The following WWOX variants were observed in gnomAD, a reference collection of about 807,000 sequenced individuals.
The protein encoded by WWOX is WW domain containing oxidoreductase.
Under a neutral mutation model 46.2 loss-of-function variants are expected in WWOX, and 69 were observed. That is an observed-to-expected ratio of 1.49 (90% CI 1.23 to 1.82). The LOEUF (loss-of-function observed/expected upper bound fraction) is 1.82, where lower values mean the gene tolerates loss of function less well. WWOX is among the 40% of genes most tolerant of loss of function. The pLI is 0.00. For missense variants in WWOX, 919 were observed against 542.6 expected, an observed-to-expected ratio of 1.69 and a Z score of -6.89; for synonymous variants, 359 against 202.6, an observed-to-expected ratio of 1.77 and a Z score of -6.56.
chr16:78,433,284 C>G (rs1174534796), intron 8 of WWOX, among the ~76,000 whole-genome samples: 2 of 151,956 alleles, frequency 1.3e-5, no homozygotes, highest in African/African-American at 2.4e-5. Flanking sequence ...CTTTACTTTC[C>G]CAAAGACAAT....
intron 8 of WWOX, among the ~76,000 whole-genome samples, chr16:78,872,511 C>G (rs2044149607): frequency 6.6e-6 from 1 of 152,194 alleles, no homozygotes; most frequent in Non-Finnish European, 1.5e-5. Context: ...GGCCTGGCAT[C>G]TGTGGCCTTG....
At chr16:78,504,992 A>G (rs903256487) in intron 8 of WWOX, among the ~76,000 whole-genome samples, 1 of 152,164 alleles carries the variant, frequency 6.6e-6, no homozygotes, top group African/African-American at 2.4e-5. Flanking sequence ...GCTTATGTAT[A>G]TGCCTTTGTG....
At chr16:78,913,587 G>C (rs939045641) in intron 8 of WWOX, among the ~76,000 whole-genome samples, 2 of 151,882 alleles carry the variant, frequency 1.3e-5, no homozygotes, top group African/African-American at 4.8e-5. Flanking sequence ...TTTTGGACTT[G>C]ATGTGAGAAA....
chr16:78,863,068 C>T (rs1273049056), intron 8 of WWOX, among the ~76,000 whole-genome samples: 2 of 151,132 alleles, frequency 1.3e-5, no homozygotes, highest in African/African-American at 2.4e-5. Context: ...AAGCGATTCT[C>T]CTGCCTCAGC....
rs548278137 is a variant in WWOX, at chr16:78,430,032, C to G, written c.792-2456C>G. Among the ~76,000 whole-genome samples the G allele has an allele frequency of 1.1e-4, 16 of 152,184 alleles. No individual in the cohort carries two copies. In the South Asian group the frequency reaches 3.3e-3, roughly 32 times the overall value. ...CTCATGCTGCTAAGAAAGACATACC[C>G]GAGACCGGGTAATTTATAAAGGAAA... On this transcript the variant is annotated intron_variant, in intron 7 of 8. Coordinates refer to ENST00000566780, the MANE Select transcript of WWOX (RefSeq NM_016373.4).
Position 79,172,860 on chromosome 16 carries a change from GAA to G in WWOX, c.1057-38736_1057-38735del, listed in dbSNP as rs67426071. Among the ~76,000 whole-genome samples the G allele has an allele frequency of 1.7e-3, 254 of 145,452 alleles. 1 individual carries two copies. Among genetic ancestry groups the G allele is most frequent in the African/African-American group, 5.1e-3 (202 of 39,812 alleles). On this transcript the variant is annotated intron_variant, in intron 8 of 8. Transcript: ENST00000566780. ...GGGCAATATAGACTACCTGCAAAAA[GAA>G]AAAAAAAAAAATGCCAGGTGTAGTG...
chr16:78,804,871 A>G (rs1356410215), intron 8 of WWOX, among the ~76,000 whole-genome samples: 2 of 152,234 alleles, frequency 1.3e-5, no homozygotes, highest in Non-Finnish European at 2.9e-5. Flanking sequence ...CCATGACAGT[A>G]TTACGGGTTT....
At chr16:78,543,072 T>G (rs987484985) in intron 8 of WWOX, among the ~76,000 whole-genome samples, 1 of 152,210 alleles carries the variant, frequency 6.6e-6, no homozygotes, top group Non-Finnish European at 1.5e-5. Context: ...GCAGAGTACA[T>G]GTGTTTCATT....
intron 5 of WWOX, among the ~76,000 whole-genome samples, chr16:78,187,557 C>G (rs544109038): frequency 6.6e-6 from 1 of 152,150 alleles, no homozygotes; most frequent in African/African-American, 2.4e-5. Context: ...GAGCCGAGAT[C>G]GCGCCACTGC....
intron 4 of WWOX, among the ~76,000 whole-genome samples, chr16:78,128,196 T>TG (rs1328608087): frequency 6.6e-6 from 1 of 152,136 alleles, no homozygotes; most frequent in Non-Finnish European, 1.5e-5. Context: ...ACTTTTTTTT[T>TG]TTGTTGTTGT....
At chr16:78,259,404 G>A (rs916531178) in intron 5 of WWOX, among the ~76,000 whole-genome samples, 6 of 152,162 alleles carry the variant, frequency 3.9e-5, no homozygotes, top group Non-Finnish European at 5.9e-5. Flanking sequence ...TCGGCTGACT[G>A]CAACCTCTGC....
At chr16:78,300,716 A>T (rs1022111927) in intron 5 of WWOX, among the ~76,000 whole-genome samples, 1 of 152,146 alleles carries the variant, frequency 6.6e-6, no homozygotes, top group African/African-American at 2.4e-5. Context: ...CTTTACCATC[A>T]AGATAACGTT....
At position 78,849,347 on chromosome 16, in the gene WWOX, G is replaced by T. The variant is rs562702870; in HGVS notation, c.1057-362261G>T. On this transcript the variant is annotated intron_variant, in intron 8 of 8. Transcript: ENST00000566780. ...GCACTTTGGGAGGCCGAGGCGGGGG[G>T]GATCACGAGGTCGGGAGATCGAGAC... 1.5e-3 allele frequency among the ~76,000 whole-genome samples: 230 copies of T among 151,942 alleles called. 1 individual carries two copies. Among genetic ancestry groups the T allele is most frequent in the Non-Finnish European group, 2.7e-3 (186 of 67,952 alleles).
chr16:79,142,794 G>A (rs1376031573), intron 8 of WWOX, among the ~76,000 whole-genome samples: 1 of 152,104 alleles, frequency 6.6e-6, no homozygotes, highest in Non-Finnish European at 1.5e-5. Flanking sequence ...GACCTCCCAG[G>A]CCCAACTGAT....
chr16:78,680,123 A>G (rs2047694889), intron 8 of WWOX, among the ~76,000 whole-genome samples: 1 of 152,252 alleles, frequency 6.6e-6, no homozygotes, highest in South Asian at 2.1e-4. Flanking sequence ...AAGAAAAGGT[A>G]TCTAGGCTGG....
At chr16:79,200,220 A>T (rs1567612811) in intron 8 of WWOX, among the ~76,000 whole-genome samples, 2 of 152,130 alleles carry the variant, frequency 1.3e-5, no homozygotes, top group Non-Finnish European at 2.9e-5. Flanking sequence ...GGCACTAGAA[A>T]TGGAGCTCAG....
intron 8 of WWOX, among the ~76,000 whole-genome samples, chr16:78,777,391 G>A (rs1027762704): frequency 6.6e-6 from 1 of 152,166 alleles, no homozygotes; most frequent in African/African-American, 2.4e-5. Flanking sequence ...CCAGGGGCTG[G>A]ACTTTTAGTT....
rs1435164622 is a variant in WWOX at position 78,519,104 on chromosome 16, A to G, written c.1056+86352A>G. On this transcript the variant is annotated intron_variant, in intron 8 of 8. Transcript: ENST00000566780. ...GATGTATAGTCTTTGAAGTGGGGCCAGTTGGCTCCGTCTATTAGCTGTGTG... is the reference window on the plus strand; with the variant it reads ...GATGTATAGTCTTTGAAGTGGGGCCGGTTGGCTCCGTCTATTAGCTGTGTG... Among the ~76,000 whole-genome samples, 3 of 152,226 alleles carry G rather than the reference A, an allele frequency of 2.0e-5. No homozygotes were observed. The South Asian group carries it at 6.2e-4, about 32-fold the overall frequency.
chr16:78,432,956 GA>G (rs1468905136), intron 8 of WWOX, among the ~76,000 whole-genome samples: 1 of 152,204 alleles, frequency 6.6e-6, no homozygotes. Flanking sequence ...GGGCTGGGTA[GA>G]AGATGTGGGT....
Sources: gnomAD v4.1 joint callset for allele counts (sites outside exome capture counted in the v4.1 genomes callset) on GRCh38, gnomAD v4.1.1 for gene constraint, MANE v1.5 for transcripts, NCBI Gene and HGNC (gene_info 2026-07-23, HGNC 2026-07-21) for gene names.